Variants in RAD51C observed in about 807,000 individuals in gnomAD.
RAD51C encodes RAD51 paralog C.
RAD51C carries 42 observed loss-of-function variants against 45.0 expected under a neutral mutation model. The observed-to-expected ratio is 0.93, with a 90% CI of 0.73 to 1.21. RAD51C has a LOEUF of 1.21. Ranked by LOEUF, RAD51C falls within the 50% of genes most tolerant of loss-of-function variation. The pLI is 0.00. For missense variants in RAD51C, 474 were observed against 452.2 expected (o/e 1.05, Z -0.44); for synonymous variants, 172 against 159.8 (o/e 1.08, Z -0.58).
At chr17:58,733,822 G>A (rs539859811) in intron 8 of RAD51C, among the ~76,000 whole-genome samples, 3 of 152,164 alleles carry the variant, frequency 2.0e-5, no homozygotes, top group East Asian at 3.9e-4. Flanking sequence ...AGGTTCAAGC[G>A]ATTCTCCTGC....
chr17:58,725,447 G>A (rs534880239), intron 7 of RAD51C, among the ~76,000 whole-genome samples: 61 of 152,064 alleles, frequency 4.0e-4, no homozygotes, highest in Non-Finnish European at 6.5e-4. Context: ...TTACGCCTGA[G>A]TTAGTATACA....
intron 6 of RAD51C, among the ~76,000 whole-genome samples, 179 bp from the exon 7 acceptor site, chr17:58,723,861 T>C (rs2049011437): frequency 6.6e-6 from 1 of 152,136 alleles, no homozygotes; most frequent in Non-Finnish European, 1.5e-5. Context: ...AGTATTTCCC[T>C]AGATAGGTAA....
chr17:58,694,539 G>C (rs1307302201), intron 1 of RAD51C: 1 of 215,194 alleles, frequency 4.6e-6, no homozygotes, highest in Non-Finnish European at 9.5e-6. Context: ...GGAATGCAGT[G>C]GTGCGATCCA....
chr17:58,697,999 A>C (rs2143758808), intron 3 of RAD51C, among the ~76,000 whole-genome samples: 1 of 151,890 alleles, frequency 6.6e-6, no homozygotes, highest in Non-Finnish European at 1.5e-5. Flanking sequence ...GGCGTGAGCC[A>C]CCGCACCCGG....
intron 3 of RAD51C, 85 bp from the exon 4 acceptor site, chr17:58,703,111 T>G (rs899126235): frequency 1.7e-5 from 25 of 1,453,582 alleles, no homozygotes; most frequent in Non-Finnish European, 2.3e-5. Flanking sequence ...AAGGAGAACA[T>G]TTTGTTATTA....
At chr17:58,728,618 G>A (rs1010810442) in intron 7 of RAD51C, among the ~76,000 whole-genome samples, 1 of 151,786 alleles carries the variant, frequency 6.6e-6, no homozygotes, top group African/African-American at 2.4e-5. Flanking sequence ...GGCTGGCCTC[G>A]AACTCCTAAA....
At position 58,726,359 on chromosome 17, in the gene RAD51C, C is replaced by CTGTATGTATATATGTGTACATATATACG. The variant is rs1205830956; in HGVS notation, c.965+2278_965+2305dup. 1.7e-3 allele frequency among the ~76,000 whole-genome samples: 256 copies of CTGTATGTATATATGTGTACATATATACG among 149,768 alleles called. 4 individuals are homozygous for CTGTATGTATATATGTGTACATATATACG. Among genetic ancestry groups the CTGTATGTATATATGTGTACATATATACG allele is most frequent in the African/African-American group, 4.2e-3 (172 of 40,518 alleles). ...TAACTGTCCTTTATTGTGCAAAGCA[C>CTGTATGTATATATGTGTACATATATACG]TGTATGTATATATGTGTACATATAT... is the stretch of plus-strand genomic sequence containing the variant. On this transcript the variant is annotated intron_variant, in intron 7 of 8. Transcript: ENST00000337432.
Position 58,694,891 on chromosome 17 carries a change from C to G in RAD51C, c.146-40C>G, listed in dbSNP as rs775003970. On this transcript the variant is annotated intron_variant, in intron 1 of 8. Coordinates refer to ENST00000337432, the MANE Select transcript of RAD51C (RefSeq NM_058216.3). The stretch of plus-strand genomic sequence containing the variant: ...CGATTATCATGTTACACTTTTAAAT[C>G]TCTAAAATTAGGGTTCTTTTTTTCT... 2.9e-5 allele frequency: 44 copies of G among 1,510,666 alleles called. No homozygotes were observed. The highest frequency in any genetic ancestry group is 4.1e-5 in the African/African-American group (3 of 72,612). 93.6% of individuals were successfully genotyped at this position (1,510,666 alleles called of 1,614,324 possible). A position where few individuals can be genotyped will look rare whatever the true frequency, so the allele number is the denominator to read the frequency against.
rs2047940381 is a variant in RAD51C, at chr17:58,694,942, T to A, written c.157T>A (p.Ser53Thr). 6.2e-7 allele frequency: 1 copy of A among 1,613,624 alleles called. No individual in the cohort carries two copies. The part of the protein sequence containing the change: ...PSELSKEVGI[S>T]KAEALETLQI... Reference sequence around the variant, plus strand: ...TATTTTACTTTCAGAAGTTGGGATATCTAAAGCAGAAGCCTTAGAAACTCT... The same window carrying A: ...TATTTTACTTTCAGAAGTTGGGATAACTAAAGCAGAAGCCTTAGAAACTCT... Residue 53 changes from serine to threonine, a missense_variant, in exon 2 of 9, where the codon TCT becomes ACT. Transcript: ENST00000337432.
rs201794487 is a variant in RAD51C, at chr17:58,721,213, C to T, written c.904+401C>T. Among the ~76,000 whole-genome samples the T allele has an allele frequency of 4.6e-5, 7 of 152,060 alleles. No individual in the cohort carries two copies. In the East Asian group the frequency reaches 5.8e-4, roughly 13 times the overall value. The stretch of plus-strand genomic sequence containing the variant: ...GTGAGAATTGCTTGAACTTGGGAGG[C>T]GCAGGCTGCAGTGAGCTGGGATCGT... On this transcript the variant is annotated intron_variant, in intron 6 of 8. Transcript: ENST00000337432.
intron 4 of RAD51C, among the ~76,000 whole-genome samples, chr17:58,706,961 T>TA (rs2048399341): frequency 6.6e-6 from 1 of 152,212 alleles, no homozygotes; most frequent in African/African-American, 2.4e-5. Flanking sequence ...TCTACATCTC[T>TA]AAGTTCTGGT....
intron 3 of RAD51C, among the ~76,000 whole-genome samples, chr17:58,702,991 C>T (rs914081849): frequency 6.6e-6 from 1 of 152,120 alleles, no homozygotes; most frequent in Admixed American, 6.6e-5. Flanking sequence ...GTAACCTGCA[C>T]GTTGTGCACA....
At chr17:58,706,513 C>G (rs1329225113) in intron 4 of RAD51C, 2 of 462,684 alleles carry the variant, frequency 4.3e-6, no homozygotes, top group South Asian at 3.2e-5. Context: ...CAGAATCACC[C>G]TACTGCTCTG....
intron 1 of RAD51C, 161 bp downstream of exon 1, chr17:58,692,949 T>C: frequency 9.6e-7 from 1 of 1,037,874 alleles, no homozygotes; most frequent in Non-Finnish European, 1.4e-6. Context: ...CACTTACAAG[T>C]TGTCTGAATG....
intron 7 of RAD51C, among the ~76,000 whole-genome samples, chr17:58,730,294 A>G (rs2049365593): frequency 6.7e-6 from 1 of 149,778 alleles, no homozygotes; most frequent in African/African-American, 2.5e-5. Flanking sequence ...CCTCCTCAGT[A>G]GCTGGGATTA....
At chr17:58,714,197 C>A (rs1490808929) in intron 5 of RAD51C, among the ~76,000 whole-genome samples, 6 of 152,008 alleles carry the variant, frequency 3.9e-5, no homozygotes, top group Admixed American at 3.9e-4. Context: ...GTTGGCCAGG[C>A]TGGTCTCAAA....
At chr17:58,733,626 A>G (rs1350691172) in intron 8 of RAD51C, among the ~76,000 whole-genome samples, 1 of 152,246 alleles carries the variant, frequency 6.6e-6, no homozygotes, top group Non-Finnish European at 1.5e-5. Flanking sequence ...ATAAATAAGT[A>G]TATATAAAAT....
At chr17:58,710,422 C>T (rs2048520681) in intron 5 of RAD51C, among the ~76,000 whole-genome samples, 2 of 149,428 alleles carry the variant, frequency 1.3e-5, no homozygotes, top group South Asian at 4.2e-4. Flanking sequence ...CACTTGAACC[C>T]AGGAGGCGGA....
At chr17:58,732,365 G>T in intron 7 of RAD51C, 119 bp from the exon 8 acceptor site, 1 of 831,980 alleles carries the variant, frequency 1.2e-6, no homozygotes, top group South Asian at 1.7e-5. Flanking sequence ...TGTTCTTAGA[G>T]AAAAAATAGA....
Sources: gnomAD v4.1 joint callset for allele counts (sites outside exome capture counted in the v4.1 genomes callset) on GRCh38, gnomAD v4.1.1 for gene constraint, MANE v1.5 for transcripts, NCBI Gene and HGNC (gene_info 2026-07-23, HGNC 2026-07-21) for gene names.